The following SUZ12 variants were observed in gnomAD, a reference collection of about 807,000 sequenced individuals.
The protein encoded by SUZ12 is polycomb protein SUZ12.
Under a neutral mutation model 87.3 loss-of-function variants are expected in SUZ12, and 17 were observed. That is an observed-to-expected ratio of 0.19 (90% CI 0.13 to 0.29). The LOEUF (loss-of-function observed/expected upper bound fraction) is 0.29. Ranked by LOEUF, SUZ12 falls within the 10% of genes least tolerant of loss-of-function variation. SUZ12 has a pLI of 1.00. For synonymous variants in SUZ12, 253 were observed against 312.4 expected, an observed-to-expected ratio of 0.81 and a Z score of 2.01; for missense variants, 526 against 912.2, an observed-to-expected ratio of 0.58 and a Z score of 5.45.
chr17:31,955,303 A>G (rs1235443317), intron 4 of SUZ12, among the ~76,000 whole-genome samples: 2 of 151,976 alleles, frequency 1.3e-5, no homozygotes, highest in African/African-American at 4.8e-5. Flanking sequence ...TTTTTAGGAG[A>G]CAGGGTCTCA....
At chr17:31,985,973 GT>G (rs1459955675) in intron 9 of SUZ12, among the ~76,000 whole-genome samples, 2 of 149,738 alleles carry the variant, frequency 1.3e-5, no homozygotes, top group Non-Finnish European at 3.0e-5. Flanking sequence ...GCCTTTTTTT[GT>G]TTGTTTCTGT....
At chr17:31,991,453 G>T (rs956123273) in intron 10 of SUZ12, among the ~76,000 whole-genome samples, 1 of 151,912 alleles carries the variant, frequency 6.6e-6, no homozygotes, top group African/African-American at 2.4e-5. Context: ...TCAGAAACCA[G>T]TGAAATAGGT....
intron 6 of SUZ12, among the ~76,000 whole-genome samples, chr17:31,975,035 A>AT (rs750200701): frequency 1.4e-4 from 21 of 151,360 alleles, no homozygotes; most frequent in South Asian, 2.1e-4. Context: ...ATTATTAGTC[A>AT]TTTTTTTTTA....
chr17:31,938,931 A>T (rs1196728143), intron 1 of SUZ12, among the ~76,000 whole-genome samples: 1 of 152,208 alleles, frequency 6.6e-6, no homozygotes, highest in Non-Finnish European at 1.5e-5. Context: ...AAGTTTAAAT[A>T]CTTGAATGTA....
intron 11 of SUZ12, among the ~76,000 whole-genome samples, 190 bp from the exon 12 acceptor site, chr17:31,993,675 T>C (rs1300413872): frequency 6.6e-6 from 1 of 152,178 alleles, no homozygotes; most frequent in Non-Finnish European, 1.5e-5. Context: ...GTGTCTGCCT[T>C]GGCCTCCCAA....
intron 12 of SUZ12, 95 bp downstream of exon 12, chr17:31,994,103 TAAAA>T: frequency 8.1e-7 from 1 of 1,231,414 alleles, no homozygotes; most frequent in African/African-American, 1.5e-5. Context: ...TTTTTTAAAT[TAAAA>T]AAGGGAAAAA....
At chr17:31,961,944 A>AG in intron 4 of SUZ12, among the ~76,000 whole-genome samples, 1 of 152,306 alleles carries the variant, frequency 6.6e-6, no homozygotes, top group East Asian at 1.9e-4. Context: ...TATGAAAAAA[A>AG]TTTGTTGGGT....
chr17:31,989,178 C>T (rs950582895), intron 10 of SUZ12, among the ~76,000 whole-genome samples: 2 of 152,114 alleles, frequency 1.3e-5, no homozygotes, highest in African/African-American at 2.4e-5. Context: ...CCGCCTCAGT[C>T]TCTCAAAGTG....
At chr17:31,939,838 AT>A (rs1428192480) in intron 1 of SUZ12, among the ~76,000 whole-genome samples, 1 of 152,114 alleles carries the variant, frequency 6.6e-6, no homozygotes, top group African/African-American at 2.4e-5. Context: ...CTGACTACAG[AT>A]TTTTTAAGTG....
intron 4 of SUZ12, among the ~76,000 whole-genome samples, chr17:31,961,558 A>C (rs1316278821): frequency 6.6e-6 from 1 of 152,182 alleles, no homozygotes; most frequent in African/African-American, 2.4e-5. Flanking sequence ...AAAACAAAAC[A>C]AAAAAAGCTG....
chr17:31,974,572 A>T (rs565865748), intron 6 of SUZ12, among the ~76,000 whole-genome samples: 1 of 152,208 alleles, frequency 6.6e-6, no homozygotes, highest in African/African-American at 2.4e-5. Context: ...TCCAAGATAC[A>T]TTACTTAGAA....
intron 3 of SUZ12, among the ~76,000 whole-genome samples, 161 bp from the exon 4 acceptor site, chr17:31,947,456 G>A (rs1356721569): frequency 2.0e-5 from 3 of 152,114 alleles, no homozygotes; most frequent in Non-Finnish European, 4.4e-5. Flanking sequence ...ATTATACACC[G>A]TCTCCATAGT....
chr17:31,994,952 G>T (rs1259605676), intron 13 of SUZ12, among the ~76,000 whole-genome samples: 2 of 152,164 alleles, frequency 1.3e-5, no homozygotes, highest in African/African-American at 4.8e-5. Flanking sequence ...TGATGTTAAT[G>T]TCACTACTGC....
intron 6 of SUZ12, 81 bp from the exon 7 acceptor site, chr17:31,975,401 A>T (rs1441306748): frequency 5.1e-6 from 5 of 988,982 alleles, no homozygotes; most frequent in Non-Finnish European, 5.8e-6. Context: ...CGTGTTTCCT[A>T]TAGCTGTGAT....
intron 6 of SUZ12, among the ~76,000 whole-genome samples, chr17:31,974,101 T>C (rs1030101221): frequency 3.3e-5 from 5 of 152,018 alleles, no homozygotes; most frequent in African/African-American, 1.2e-4. Flanking sequence ...CCTGTGCCTG[T>C]AGTCCCAGCT....
At chr17:31,984,414 G>A (rs1224965721) in intron 9 of SUZ12, among the ~76,000 whole-genome samples, 2 of 151,700 alleles carry the variant, frequency 1.3e-5, no homozygotes, top group African/African-American at 4.8e-5. Context: ...CATAAGCATG[G>A]AAAAAAAATA....
chr17:31,988,654 G>A (rs1407937836), intron 10 of SUZ12, among the ~76,000 whole-genome samples, 157 bp downstream of exon 10: 3 of 151,114 alleles, frequency 2.0e-5, no homozygotes, highest in Non-Finnish European at 4.4e-5. Flanking sequence ...GTGCAGTAGC[G>A]TGATTTCGGC....
intron 3 of SUZ12, among the ~76,000 whole-genome samples, chr17:31,942,247 A>AT (rs1027402844): frequency 1.4e-4 from 21 of 152,224 alleles, no homozygotes; most frequent in African/African-American, 5.1e-4. Flanking sequence ...ATTTAAGTTA[A>AT]TTTTTGATTA....
intron 4 of SUZ12, among the ~76,000 whole-genome samples, chr17:31,957,657 C>T (rs1029457816): frequency 2.7e-5 from 4 of 150,734 alleles, no homozygotes; most frequent in African/African-American, 7.4e-5. Flanking sequence ...GTGATCTGCT[C>T]GCCTCAGCCT....
Sources: allele counts gnomAD v4.1 joint callset (sites outside exome capture counted in the v4.1 genomes callset), GRCh38; gene constraint gnomAD v4.1.1; transcripts MANE v1.5; gene names NCBI Gene and HGNC (gene_info 2026-07-23, HGNC 2026-07-21).